The following WDHD1 variants were observed in gnomAD, a reference collection of about 807,000 sequenced individuals.
WDHD1 encodes the protein WD repeat and HMG-box DNA-binding protein 1.
A neutral mutation model predicts 135.4 loss-of-function variants in WDHD1; 111 were observed. The ratio of observed to expected loss-of-function variants is 0.82; its 90% CI spans 0.70 to 0.96. The LOEUF is 0.96. Among genes scored for constraint, WDHD1 ranks in the 40% least tolerant of loss-of-function variants. The pLI is 0.00. For missense variants in WDHD1, 1,351 were observed against 1,336.3 expected, an observed-to-expected ratio of 1.01 and a Z score of -0.17; for synonymous variants, 434 against 439.0, an observed-to-expected ratio of 0.99 and a Z score of 0.14.
chr14:54,946,824 G>A (rs966299335), intron 24 of WDHD1, among the ~76,000 whole-genome samples: 2 of 151,612 alleles, frequency 1.3e-5, no homozygotes, highest in East Asian at 1.9e-4. Context: ...TGGGCAAATC[G>A]CTTGAGGCCA....
rs773540775 is a variant in WDHD1 at position 54,962,987 on chromosome 14, T to C, written c.2496A>G (p.Glu832=). 3.1e-6 allele frequency: 5 copies of C among 1,613,766 alleles called. No individual in the cohort carries two copies. The highest frequency in any genetic ancestry group is 1.7e-5 in the Admixed American group (1 of 59,964). Residue 832 remains glutamate (E), a synonymous_variant, in exon 19 of 26, where the codon GAA becomes GAG. Transcript: ENST00000360586. The part of the protein sequence containing the change: ...ELTATQVEEE[E]EEEDFRKKLN... The stretch of plus-strand genomic sequence containing the variant: ...GCTTTTTTCTGAAATCTTCTTCTTC[T>C]TCTTCCTCTTCCACCTGGGTTGCTG...
intron 7 of WDHD1, chr14:55,004,894 G>A (rs2042039206): frequency 1.9e-6 from 1 of 520,724 alleles, no homozygotes; most frequent in Non-Finnish European, 3.8e-6. Context: ...GTGGCAGGCT[G>A]AGCACTCCAG....
intron 15 of WDHD1, among the ~76,000 whole-genome samples, chr14:54,983,043 AG>A (rs1435360723): frequency 6.6e-6 from 1 of 152,132 alleles, no homozygotes; most frequent in Non-Finnish European, 1.5e-5. Flanking sequence ...ATGTGCCTGT[AG>A]TCCCAGATAC....
At chr14:54,965,525 A>G (rs988451565) in intron 18 of WDHD1, among the ~76,000 whole-genome samples, 5 of 152,230 alleles carry the variant, frequency 3.3e-5, no homozygotes, top group Non-Finnish European at 7.3e-5. Context: ...ACTTTGTAAA[A>G]TAATAACAGA....
At chr14:54,964,675 T>C (rs2041313369) in intron 18 of WDHD1, among the ~76,000 whole-genome samples, 1 of 151,864 alleles carries the variant, frequency 6.6e-6, no homozygotes, top group Non-Finnish European at 1.5e-5. Context: ...ATAGTCTGGT[T>C]TCCACAGTGA....
intron 16 of WDHD1, among the ~76,000 whole-genome samples, chr14:54,977,442 T>C (rs946541941): frequency 4.6e-5 from 7 of 152,212 alleles, no homozygotes; most frequent in Non-Finnish European, 1.0e-4. Context: ...TTATCATGCC[T>C]GTAATCCCAG....
intron 2 of WDHD1, among the ~76,000 whole-genome samples, chr14:55,022,150 A>G (rs942321137): frequency 7.2e-5 from 11 of 152,204 alleles, no homozygotes; most frequent in Non-Finnish European, 1.5e-4. Flanking sequence ...AAAGAATTTT[A>G]AAGGCAGTCC....
chr14:55,005,789 C>A, intron 7 of WDHD1: 1 of 320,786 alleles, frequency 3.1e-6, no homozygotes, highest in Non-Finnish European at 5.9e-6. Context: ...AGAATCAGCT[C>A]AATTTGGTCC....
intron 7 of WDHD1, chr14:55,004,981 G>A (rs774683045): frequency 4.2e-5 from 23 of 542,220 alleles, no homozygotes; most frequent in Non-Finnish European, 7.6e-5. Context: ...TCAGGTTGAG[G>A]AGCACCGAAC....
chr14:54,986,301 A>T (rs1175500092), intron 14 of WDHD1, among the ~76,000 whole-genome samples: 2 of 152,212 alleles, frequency 1.3e-5, no homozygotes, highest in African/African-American at 4.8e-5. Flanking sequence ...ATATTTATAG[A>T]ACAGTTATAT....
At chr14:54,994,928 A>G (rs1371737109) in intron 11 of WDHD1, among the ~76,000 whole-genome samples, 1 of 152,152 alleles carries the variant, frequency 6.6e-6, no homozygotes, top group East Asian at 1.9e-4. Context: ...TATGTTAGTA[A>G]TTTGTGTCTT....
intron 16 of WDHD1, among the ~76,000 whole-genome samples, chr14:54,974,782 G>T (rs1201662068): frequency 6.6e-6 from 1 of 152,168 alleles, no homozygotes; most frequent in East Asian, 1.9e-4. Flanking sequence ...AGATGAGATT[G>T]TGCCACTGTA....
intron 7 of WDHD1, among the ~76,000 whole-genome samples, chr14:55,003,232 G>A (rs1016490380): frequency 1.3e-5 from 2 of 152,052 alleles, no homozygotes; most frequent in South Asian, 2.1e-4. Context: ...CACATGGGCT[G>A]GGTGTGGTAG....
chr14:54,972,277 C>CAAA (rs1201910146), intron 16 of WDHD1, among the ~76,000 whole-genome samples: 14 of 113,108 alleles, frequency 1.2e-4, no homozygotes, highest in African/African-American at 3.4e-4. Context: ...TCGGTCTCAC[C>CAAA]AAAAAAAAAA....
rs2042054095 is a variant in WDHD1, at chr14:55,005,660, A to G, written c.600+1620T>C. On this transcript the variant is annotated intron_variant, in intron 7 of 25. Transcript: ENST00000360586. ...GAACTTAAGGACATCCTCCTCCTTCATTTGCAGGACATAGAGGTTCTAGAC... is the reference window on the plus strand; with the variant it reads ...GAACTTAAGGACATCCTCCTCCTTCGTTTGCAGGACATAGAGGTTCTAGAC... 7.1e-6 allele frequency: 4 copies of G among 565,696 alleles called. No homozygotes were observed. The Admixed American group carries it at 8.4e-5, about 12-fold the overall frequency. The allele number at this position is 565,696 out of a possible 1,614,324, so 35.0% of individuals were successfully genotyped here. A position where few individuals can be genotyped will look rare whatever the true frequency, so the allele number is the denominator to read the frequency against.
At chr14:54,946,597 C>T (rs2040929641) in intron 24 of WDHD1, among the ~76,000 whole-genome samples, 1 of 152,150 alleles carries the variant, frequency 6.6e-6, no homozygotes, top group Non-Finnish European at 1.5e-5. Flanking sequence ...AATCCTCCTG[C>T]CTCAGACTCT....
chr14:54,950,680 T>G (rs2041032819), intron 24 of WDHD1, among the ~76,000 whole-genome samples: 1 of 152,130 alleles, frequency 6.6e-6, no homozygotes, highest in African/African-American at 2.4e-5. Flanking sequence ...CCACCCCAAA[T>G]CAACAGAATA....
At chr14:54,967,638 T>C (rs1479797884) in intron 16 of WDHD1, among the ~76,000 whole-genome samples, 2 of 152,184 alleles carry the variant, frequency 1.3e-5, no homozygotes, top group Admixed American at 1.3e-4. Context: ...TTATTTTTTT[T>C]GAGACAGGGT....
intron 24 of WDHD1, among the ~76,000 whole-genome samples, chr14:54,945,933 A>C (rs1416959288): frequency 1.3e-5 from 2 of 152,210 alleles, no homozygotes; most frequent in East Asian, 3.8e-4. Context: ...TTTAAGGTTA[A>C]AAAAATTTTT....
Sources: gnomAD v4.1 joint callset for allele counts (sites outside exome capture counted in the v4.1 genomes callset) on GRCh38, gnomAD v4.1.1 for gene constraint, MANE v1.5 for transcripts, NCBI Gene and HGNC (gene_info 2026-07-23, HGNC 2026-07-21) for gene names.